Variants in MID1 observed in about 807,000 individuals in gnomAD.
MID1 encodes midline 1.
Under a neutral mutation model 40.4 loss-of-function variants are expected in MID1, and 7 were observed. That is an observed-to-expected ratio of 0.17 (90% CI 0.10 to 0.33). The LOEUF is 0.33. MID1 is among the 10% of genes least tolerant of loss of function. The probability of loss-of-function intolerance (pLI) is 1.00; values close to 1 mark genes in which losing one functional copy is unlikely to be tolerated. For missense variants in MID1, 367 were observed against 558.5 expected (o/e 0.66, Z 3.46); for synonymous variants, 229 against 221.2 (o/e 1.04, Z -0.31).
Position 10,449,285 on chromosome X carries a change from A to G in MID1, c.*83T>C, listed in dbSNP as rs1427659071. 13 of 855,048 alleles carry G rather than the reference A, an allele frequency of 1.5e-5. No individual in the cohort carries two copies. The highest frequency in any genetic ancestry group is 2.2e-5 in the Non-Finnish European group (13 of 594,034). 70.5% of individuals were successfully genotyped at this position (855,048 alleles called of 1,213,427 possible). A position where few individuals can be genotyped will look rare whatever the true frequency, so the allele number is the denominator to read the frequency against. Reference sequence around the variant, plus strand: ...CTTCTGGTGAGATTTCATTACACTCATGAAGCCTGTGCTTTCTCAGTCCCC... The same window carrying G: ...CTTCTGGTGAGATTTCATTACACTCGTGAAGCCTGTGCTTTCTCAGTCCCC... On this transcript the variant is annotated 3_prime_UTR_variant, in exon 10 of 10. Transcript: ENST00000317552.
At chrX:10,568,318 G>A (rs188396949) in intron 1 of MID1, among the ~76,000 whole-genome samples, 40 of 112,182 alleles carry the variant, frequency 3.6e-4, no homozygotes, top group Non-Finnish European at 5.3e-4. Flanking sequence ...GCAGTGGGAC[G>A]TGGGTAGGCA....
chrX:10,706,479 G>C (rs928757222), intron 1 of MID1, among the ~76,000 whole-genome samples: 1 of 110,615 alleles, frequency 9.0e-6, no homozygotes, highest in Admixed American at 9.7e-5. Flanking sequence ...CCATGCTGCT[G>C]TTCTCGTGAT....
intron 1 of MID1, among the ~76,000 whole-genome samples, chrX:10,572,141 T>TTCTCTCTCTCTTTCTC (rs1934747865): frequency 1.1e-5 from 1 of 92,577 alleles, no homozygotes; most frequent in Admixed American, 1.2e-4. Context: ...CTCTCTCCCT[T>TTCTCTCTCTCTTTCTC]TCTCTCTCTC....
At chrX:10,586,690 C>T (rs1388373731) in intron 1 of MID1, among the ~76,000 whole-genome samples, 1 of 112,380 alleles carries the variant, frequency 8.9e-6, no homozygotes, top group African/African-American at 3.2e-5. Flanking sequence ...TAGGTTTTGC[C>T]TAAGAGTTAG....
At chrX:10,482,744 TA>T (rs1930407516) in intron 4 of MID1, 116 bp from the exon 5 acceptor site, 1 of 768,404 alleles carries the variant, frequency 1.3e-6, no homozygotes, top group African/African-American at 2.0e-5. Flanking sequence ...GTTCAAAAAG[TA>T]GGCATAGAGA....
chrX:10,502,272 T>G (rs746246633), intron 3 of MID1, among the ~76,000 whole-genome samples: 2 of 112,692 alleles, frequency 1.8e-5, no homozygotes, highest in South Asian at 7.3e-4. Context: ...TTTTCTCACT[T>G]TGCAGTGCTT....
At chrX:10,677,423 GA>G (rs2043029762) in intron 1 of MID1, 1 of 111,811 alleles carries the variant, frequency 8.9e-6, no homozygotes, top group Non-Finnish European at 1.9e-5. Flanking sequence ...AATCAATCTG[GA>G]ATTCCCACTT....
At chrX:10,802,054 C>T (rs1357901767) in intron 1 of MID1, among the ~76,000 whole-genome samples, 8 of 110,428 alleles carry the variant, frequency 7.2e-5, no homozygotes, top group East Asian at 5.7e-4. Context: ...TGGTGGTGCA[C>T]GCCTGTAGTC....
chrX:10,492,917 G>C (rs1306135374), intron 4 of MID1, among the ~76,000 whole-genome samples: 2 of 112,020 alleles, frequency 1.8e-5, no homozygotes, highest in Non-Finnish European at 3.8e-5. Flanking sequence ...GCATCACTAT[G>C]GCTGGAACTT....
At chrX:10,648,057 C>T (rs925491971) in intron 1 of MID1, among the ~76,000 whole-genome samples, 13 of 112,147 alleles carry the variant, frequency 1.2e-4, no homozygotes, top group Non-Finnish European at 9.4e-5. Flanking sequence ...ATTCCACTGC[C>T]ATAAATCCAG....
At chrX:10,459,448 C>T (rs1039936292) in intron 8 of MID1, among the ~76,000 whole-genome samples, 198 bp downstream of exon 8, 3 of 112,071 alleles carry the variant, frequency 2.7e-5, no homozygotes, top group Non-Finnish European at 3.8e-5. Context: ...AATGGCCTCA[C>T]GGCTGTGAAG....
chrX:10,654,378 A>G (rs1251986634), intron 1 of MID1, among the ~76,000 whole-genome samples: 1 of 111,783 alleles, frequency 8.9e-6, no homozygotes, highest in Non-Finnish European at 1.9e-5. Context: ...TGATGCCCCA[A>G]CCCTTTTGGC....
chrX:10,607,871 G>C (rs1050294903), intron 1 of MID1, among the ~76,000 whole-genome samples: 1 of 111,699 alleles, frequency 9.0e-6, no homozygotes, highest in Non-Finnish European at 1.9e-5. Flanking sequence ...TTTCTTTTTT[G>C]CTCTCAATAT....
At chrX:10,602,225 C>CTTTTTTT (rs56897260) in intron 1 of MID1, among the ~76,000 whole-genome samples, 2,884 of 83,429 alleles carry the variant, frequency 0.035, 72 homozygotes, top group African/African-American at 0.064. Flanking sequence ...TAGTTTCTGA[C>CTTTTTTT]TTTTTTTTTT....
intron 1 of MID1, among the ~76,000 whole-genome samples, chrX:10,724,621 G>T (rs748509855): frequency 3.5e-4 from 39 of 111,906 alleles, no homozygotes; most frequent in African/African-American, 1.1e-3. Context: ...TCTTGGATGG[G>T]GTGTCACTTG....
At chrX:10,728,667 T>C (rs760689906) in intron 1 of MID1, among the ~76,000 whole-genome samples, 2 of 112,063 alleles carry the variant, frequency 1.8e-5, no homozygotes, top group Non-Finnish European at 3.8e-5. Context: ...GAGATGTTTG[T>C]GCAGCACATG....
At chrX:10,659,527 C>A (rs1201205200) in intron 1 of MID1, among the ~76,000 whole-genome samples, 2 of 112,118 alleles carry the variant, frequency 1.8e-5, no homozygotes, top group African/African-American at 6.5e-5. Context: ...AGGTAAAACA[C>A]CACTGTATGT....
At chrX:10,538,161 C>T (rs892985567) in intron 2 of MID1, among the ~76,000 whole-genome samples, 11 of 110,676 alleles carry the variant, frequency 9.9e-5, no homozygotes, top group African/African-American at 2.0e-4. Context: ...TTGGTAGAGA[C>T]GAGGTTTCGC....
intron 1 of MID1, among the ~76,000 whole-genome samples, chrX:10,713,470 T>G (rs1222023465): frequency 9.1e-6 from 1 of 110,434 alleles, no homozygotes; most frequent in Non-Finnish European, 1.9e-5. Context: ...ACTACAGGCA[T>G]GCACTACCAT....
Sources: allele counts gnomAD v4.1 joint callset (sites outside exome capture counted in the v4.1 genomes callset), GRCh38; gene constraint gnomAD v4.1.1; transcripts MANE v1.5; gene names NCBI Gene and HGNC (gene_info 2026-07-23, HGNC 2026-07-21).